Variants in FAM135B observed in about 807,000 individuals in gnomAD.
FAM135B encodes the protein protein FAM135B.
A neutral mutation model predicts 127.7 loss-of-function variants in FAM135B; 43 were observed. The observed-to-expected ratio is 0.34, with a 90% confidence interval of 0.26 to 0.43. The LOEUF is 0.43. FAM135B is among the 20% of genes least tolerant of loss of function. FAM135B has a pLI of 1.00. For missense variants in FAM135B, 1,558 were observed against 1,725.6 expected (o/e 0.90, Z 1.72); for synonymous variants, 670 against 665.1 (o/e 1.01, Z -0.11).
At chr8:138,366,957 AAGG>A (rs931488657) in intron 2 of FAM135B, among the ~76,000 whole-genome samples, 3 of 152,124 alleles carry the variant, frequency 2.0e-5, no homozygotes, top group African/African-American at 7.2e-5. Flanking sequence ...GAGAGGCCAC[AAGG>A]AGAACCACAA....
chr8:138,370,033 A>G (rs1831015369), intron 1 of FAM135B, among the ~76,000 whole-genome samples: 1 of 152,152 alleles, frequency 6.6e-6, no homozygotes, highest in Non-Finnish European at 1.5e-5. Flanking sequence ...TGGGGGTTCC[A>G]TGCATGACTT....
chr8:138,360,928 CTTTT>C (rs5895517), intron 2 of FAM135B, among the ~76,000 whole-genome samples: 1 of 140,734 alleles, frequency 7.1e-6, no homozygotes. Flanking sequence ...TCCATTTCTT[CTTTT>C]TTTTTTTTTT....
chr8:138,133,932 C>G (rs905571862), intron 19 of FAM135B, among the ~76,000 whole-genome samples: 1 of 152,088 alleles, frequency 6.6e-6, no homozygotes, highest in African/African-American at 2.4e-5. Context: ...GGAATTGTAA[C>G]GTGAAATTGA....
At chr8:138,314,725 T>TAAATAAATAAATA (rs766795967) in intron 2 of FAM135B, among the ~76,000 whole-genome samples, 998 of 48,726 alleles carry the variant, frequency 0.02, 7 homozygotes, top group East Asian at 0.027. Context: ...ATAAATAAAT[T>TAAATAAATAAATA]AGCTGGGTGT....
At chr8:138,417,944 T>TGCTAAAATG (rs1317125486) in intron 1 of FAM135B, among the ~76,000 whole-genome samples, 1 of 152,174 alleles carries the variant, frequency 6.6e-6, no homozygotes, top group African/African-American at 2.4e-5. Context: ...TTCTTAACCA[T>TGCTAAAATG]GCTAAAATGG....
Position 138,169,042 on chromosome 8 carries a change from A to C in FAM135B, c.1104-993T>G, listed in dbSNP as rs141863008. On this transcript the variant is annotated intron_variant, in intron 11 of 19. Coordinates refer to ENST00000395297, the MANE Select transcript of FAM135B (RefSeq NM_015912.4). ...AGACTCAAAGCAAATTCTCAAACTC[A>C]GCATTCTCAGTAACAGATGCAATGA... Among the ~76,000 whole-genome samples the C allele has an allele frequency of 7.9e-5, 12 of 152,300 alleles. No homozygotes were observed. In the East Asian group the frequency reaches 1.5e-3, roughly 20 times the overall value.
intron 7 of FAM135B, among the ~76,000 whole-genome samples, chr8:138,220,658 G>C (rs766152844): frequency 2.0e-5 from 3 of 151,976 alleles, no homozygotes; most frequent in Non-Finnish European, 1.5e-5. Context: ...GGATGGTAAT[G>C]ATGCTAGTGG....
intron 1 of FAM135B, among the ~76,000 whole-genome samples, chr8:138,454,025 A>C (rs914606057): frequency 6.6e-6 from 1 of 152,106 alleles, no homozygotes; most frequent in Non-Finnish European, 1.5e-5. Context: ...CTATGCGTGC[A>C]ACTCATGCAC....
chr8:138,291,979 T>C (rs1319704411), intron 3 of FAM135B, among the ~76,000 whole-genome samples: 4 of 152,126 alleles, frequency 2.6e-5, no homozygotes, highest in Non-Finnish European at 5.9e-5. Context: ...GAGGTAAAGT[T>C]GTTTCTGTTG....
chr8:138,239,739 G>C (rs561152586), intron 7 of FAM135B, among the ~76,000 whole-genome samples: 1 of 152,190 alleles, frequency 6.6e-6, no homozygotes, highest in African/African-American at 2.4e-5. Flanking sequence ...GCAAAGACTT[G>C]GAACCAACCC....
Position 138,299,223 on chromosome 8 carries a change from G to C in FAM135B, c.157+11618C>G, listed in dbSNP as rs529289475. The stretch of plus-strand genomic sequence containing the variant: ...ATTAAAATTTCCCACAAATGAGTCA[G>C]AGAAATATGTATTATTTTCTACAAC... On this transcript the variant is annotated intron_variant, in intron 3 of 19. Transcript: ENST00000395297. 3.3e-5 allele frequency among the ~76,000 whole-genome samples: 5 copies of C among 151,786 alleles called. No homozygotes were observed. In the South Asian group the frequency reaches 1.0e-3, roughly 32 times the overall value.
intron 2 of FAM135B, among the ~76,000 whole-genome samples, chr8:138,314,337 G>A (rs140000243): frequency 5.9e-5 from 9 of 152,140 alleles, no homozygotes; most frequent in East Asian, 1.9e-4. Flanking sequence ...CAGTGTTCAC[G>A]GTGACTTTAC....
chr8:138,323,758 G>C (rs369227996), intron 2 of FAM135B, among the ~76,000 whole-genome samples: 1 of 152,220 alleles, frequency 6.6e-6, no homozygotes, highest in African/African-American at 2.4e-5. Context: ...AAATTCAGAA[G>C]AGTTGACACA....
intron 12 of FAM135B, among the ~76,000 whole-genome samples, chr8:138,165,377 C>T (rs950535643): frequency 6.6e-6 from 1 of 152,044 alleles, no homozygotes; most frequent in Non-Finnish European, 1.5e-5. Flanking sequence ...GCCTCAGCCT[C>T]CCAAAGTGCA....
intron 1 of FAM135B, among the ~76,000 whole-genome samples, chr8:138,426,016 CACACAT>C (rs1428221281): frequency 0.095 from 1,415 of 14,950 alleles, 38 homozygotes; most frequent in Non-Finnish European, 0.11. Context: ...TATATATACA[CACACAT>C]ACATATACAC....
At chr8:138,456,220 A>G (rs1472545494) in intron 1 of FAM135B, among the ~76,000 whole-genome samples, 1 of 152,180 alleles carries the variant, frequency 6.6e-6, no homozygotes, top group Admixed American at 6.5e-5. Context: ...TATACTTTAA[A>G]TCCTCACAAA....
At chr8:138,477,133 T>C (rs1029059055) in intron 1 of FAM135B, among the ~76,000 whole-genome samples, 1 of 152,220 alleles carries the variant, frequency 6.6e-6, no homozygotes. Flanking sequence ...CTCTTGCTAA[T>C]GAGGAACACC....
At chr8:138,136,679 C>G (rs1288584848) in intron 19 of FAM135B, among the ~76,000 whole-genome samples, 1 of 152,208 alleles carries the variant, frequency 6.6e-6, no homozygotes, top group Non-Finnish European at 1.5e-5. Flanking sequence ...TCCTACCTAT[C>G]CTTTAAAACC....
At chr8:138,479,422 G>C (rs1198150634) in intron 1 of FAM135B, among the ~76,000 whole-genome samples, 2 of 152,034 alleles carry the variant, frequency 1.3e-5, no homozygotes, top group African/African-American at 4.8e-5. Flanking sequence ...CCTCGTCTAG[G>C]GGCTTTCCAA....
Sources: gnomAD v4.1 joint callset for allele counts (sites outside exome capture counted in the v4.1 genomes callset) on GRCh38, gnomAD v4.1.1 for gene constraint, MANE v1.5 for transcripts, NCBI Gene and HGNC (gene_info 2026-07-23, HGNC 2026-07-21) for gene names.